The following MFHAS1 variants were observed in gnomAD, a reference collection of about 807,000 sequenced individuals.
MFHAS1 encodes multifunctional ROCO family signaling regulator 1.
In MFHAS1, 50 loss-of-function variants were observed where a neutral mutation model predicts 70.4. The observed-to-expected ratio is 0.71, with a 90% CI of 0.57 to 0.90. MFHAS1 has a LOEUF of 0.90. MFHAS1 is among the 40% of genes least tolerant of loss of function. The pLI is 0.00. For synonymous variants in MFHAS1, 952 were observed against 620.0 expected, an observed-to-expected ratio of 1.54 and a Z score of -7.96; for missense variants, 1,795 against 1,347.6, an observed-to-expected ratio of 1.33 and a Z score of -5.20.
chr8:8,855,828 C>T (rs531903985), intron 1 of MFHAS1, among the ~76,000 whole-genome samples: 11 of 152,288 alleles, frequency 7.2e-5, no homozygotes, highest in African/African-American at 2.4e-4. Flanking sequence ...TGCACTCCAG[C>T]TTCGGCAACA....
At chr8:8,790,651 C>G (rs921880457) in intron 2 of MFHAS1, among the ~76,000 whole-genome samples, 6 of 152,160 alleles carry the variant, frequency 3.9e-5, no homozygotes, top group Admixed American at 3.9e-4. Flanking sequence ...CATCCTCACC[C>G]TCTATATTTT....
chr8:8,827,151 G>C (rs1412297724), intron 1 of MFHAS1, among the ~76,000 whole-genome samples: 1 of 152,138 alleles, frequency 6.6e-6, no homozygotes, highest in African/African-American at 2.4e-5. Context: ...GTAGAGAATT[G>C]TGCCATTTTT....
chr8:8,805,050 C>T (rs1806240624), intron 1 of MFHAS1, among the ~76,000 whole-genome samples: 1 of 152,136 alleles, frequency 6.6e-6, no homozygotes, highest in Non-Finnish European at 1.5e-5. Flanking sequence ...TCCAAGGGCC[C>T]CTTGAGGGAT....
chr8:8,788,583 G>A (rs148794566), intron 2 of MFHAS1, among the ~76,000 whole-genome samples: 1 of 152,196 alleles, frequency 6.6e-6, no homozygotes, highest in Non-Finnish European at 1.5e-5. Flanking sequence ...GGGGGCTGAG[G>A]CAGGATAATT....
At position 8,891,303 on chromosome 8, in the gene MFHAS1, G is replaced by A. The variant is rs762318700; in HGVS notation, c.1756C>T (p.Leu586=). The change falls in exon 1 of 3, where the codon CTG becomes TTG. Residue 586 remains leucine (L), a synonymous_variant. Coordinates refer to ENST00000276282, the MANE Select transcript of MFHAS1 (RefSeq NM_004225.3). This position sits in a 1 kb window ranked among gnomAD's most constrained non-coding sequence, Gnocchi z 5.4. ...GCTGCGTGGGGGCTGGCAGAGCGCA[G>A]CTCGAAGTCCCGGGCCAGTGCCTCG... The part of the protein sequence containing the change: ...VDEALARDFE[L]RSASPHAAYY... The A allele has an allele frequency of 4.3e-6, 7 of 1,611,310 alleles. No individual in the cohort carries two copies. In the African/African-American group the frequency reaches 9.3e-5, roughly 21 times the overall value.
intron 1 of MFHAS1, among the ~76,000 whole-genome samples, chr8:8,885,011 A>T (rs1267788136): frequency 6.6e-6 from 1 of 151,992 alleles, no homozygotes; most frequent in African/African-American, 2.4e-5. Flanking sequence ...TTCAGCAAAC[A>T]TCTGAGAGGC....
intron 1 of MFHAS1, among the ~76,000 whole-genome samples, chr8:8,824,525 A>T (rs879607836): frequency 0.022 from 482 of 21,750 alleles, 3 homozygotes; most frequent in South Asian, 0.084. Context: ...TCTCTTTCAC[A>T]CACACACACA....
At chr8:8,794,338 T>G (rs1159185058) in intron 2 of MFHAS1, among the ~76,000 whole-genome samples, 1 of 152,192 alleles carries the variant, frequency 6.6e-6, no homozygotes, top group Non-Finnish European at 1.5e-5. Context: ...CTGTGTTGAC[T>G]TAAGCACAGA....
chr8:8,871,642 C>T (rs1809078798), intron 1 of MFHAS1, among the ~76,000 whole-genome samples: 1 of 152,160 alleles, frequency 6.6e-6, no homozygotes, highest in Admixed American at 6.5e-5. Flanking sequence ...GGTGTAAATG[C>T]TTGGGAACTG....
chr8:8,851,873 G>C (rs186629920), intron 1 of MFHAS1, among the ~76,000 whole-genome samples: 1 of 152,164 alleles, frequency 6.6e-6, no homozygotes, highest in Admixed American at 6.5e-5. Context: ...CTTGAAAAGC[G>C]ATCACAGTGT....
chr8:8,823,890 T>C (rs967880487), intron 1 of MFHAS1, among the ~76,000 whole-genome samples: 4 of 128,830 alleles, frequency 3.1e-5, no homozygotes, highest in African/African-American at 8.6e-5. Flanking sequence ...TCGTGCATAA[T>C]GTATGAGTGA....
At chr8:8,812,870 G>A (rs10090997) in intron 1 of MFHAS1, among the ~76,000 whole-genome samples, 21,040 of 152,086 alleles carry the variant, frequency 0.14, 2,148 homozygotes, top group African/African-American at 0.28. Context: ...GGGTTCAAGC[G>A]ATTCTCTGGC....
intron 1 of MFHAS1, among the ~76,000 whole-genome samples, chr8:8,800,585 T>C (rs1806052405): frequency 6.6e-6 from 1 of 152,128 alleles, no homozygotes. Context: ...CAACGAGAAG[T>C]TGCTGTGGGC....
chr8:8,878,101 C>T (rs1469125959), intron 1 of MFHAS1, among the ~76,000 whole-genome samples: 1 of 152,184 alleles, frequency 6.6e-6, no homozygotes, highest in Non-Finnish European at 1.5e-5. Context: ...CCTGATGGCG[C>T]TCTCCCCACC....
chr8:8,849,126 G>A lies in MFHAS1; in HGVS notation c.2998+40935C>T, dbSNP rs970065893. On this transcript the variant is annotated intron_variant, in intron 1 of 2. Transcript: ENST00000276282. ...CATAGAGTCTAGCTCTGTTGCCCAG[G>A]CTGAAGAGCAATGGCACGATCTCAG... 4.1e-5 allele frequency among the ~76,000 whole-genome samples: 5 copies of A among 123,262 alleles called. No individual in the cohort carries two copies. The East Asian group carries it at 1.1e-3, about 26-fold the overall frequency. 80.9% of individuals were successfully genotyped at this position (123,262 alleles called of 152,430 possible).
chr8:8,848,409 AAAAAG>A (rs570608867), intron 1 of MFHAS1, among the ~76,000 whole-genome samples: 13 of 152,112 alleles, frequency 8.5e-5, no homozygotes, highest in African/African-American at 2.4e-4. Flanking sequence ...AAAAAAAAAA[AAAAAG>A]AAGCCATGCC....
intron 1 of MFHAS1, among the ~76,000 whole-genome samples, chr8:8,884,018 A>C (rs4841065): frequency 0.2 from 29,767 of 150,112 alleles, 3,406 homozygotes; most frequent in African/African-American, 0.31. Context: ...GGCAACATAA[A>C]AAGGCCCTAT....
intron 1 of MFHAS1, among the ~76,000 whole-genome samples, chr8:8,883,707 C>CAAAAAAAAAAAAA (rs35799658): frequency 3.4e-4 from 10 of 29,586 alleles, no homozygotes; most frequent in African/African-American, 1.3e-3. Flanking sequence ...GACTCAGTCT[C>CAAAAAAAAAAAAA]AAAAAAAAAA....
At chr8:8,801,464 T>G (rs1451235432) in intron 1 of MFHAS1, among the ~76,000 whole-genome samples, 2 of 152,178 alleles carry the variant, frequency 1.3e-5, no homozygotes, top group Non-Finnish European at 2.9e-5. Context: ...GTCCACAGTT[T>G]CCAGCATGTT....
Sources: allele counts gnomAD v4.1 joint callset (sites outside exome capture counted in the v4.1 genomes callset), GRCh38; gene constraint gnomAD v4.1.1; non-coding constraint Gnocchi (gnomAD v3.1); transcripts MANE v1.5; gene names NCBI Gene and HGNC (gene_info 2026-07-23, HGNC 2026-07-21).